GRIK2: variants seen among roughly 807,000 people sequenced by gnomAD.
The protein encoded by GRIK2 is glutamate receptor ionotropic, kainate 2.
A neutral mutation model predicts 100.3 loss-of-function variants in GRIK2; 32 were observed. That is an observed-to-expected ratio of 0.32 (90% CI 0.24 to 0.43). GRIK2 has a LOEUF of 0.43. GRIK2 is among the 20% of genes least tolerant of loss of function. The pLI, the probability that GRIK2 is intolerant of heterozygous loss-of-function variation, is 1.00. For synonymous variants in GRIK2, 417 were observed against 389.4 expected (o/e 1.07, Z -0.83); for missense variants, 843 against 1,114.9 (o/e 0.76, Z 3.47).
chr6:101,520,784 T>C (rs1318832975), intron 2 of GRIK2, among the ~76,000 whole-genome samples: 1 of 152,072 alleles, frequency 6.6e-6, no homozygotes, highest in Non-Finnish European at 1.5e-5. Context: ...TATAATACAA[T>C]GCTATGCAAT....
At chr6:101,820,159 G>A (rs1344960317) in intron 10 of GRIK2, among the ~76,000 whole-genome samples, 2 of 152,084 alleles carry the variant, frequency 1.3e-5, no homozygotes, top group Non-Finnish European at 2.9e-5. Context: ...GTATTCATCA[G>A]TAATATATGA....
rs539292631 is a variant in GRIK2, at chr6:101,445,832, C to T, written c.115+46440C>T. ...GGCACACATAGAAACTATTTTTATG[C>T]GACTTTTTACCTATGAATGAGGCCA... is the stretch of plus-strand genomic sequence containing the variant. On this transcript the variant is annotated intron_variant, in intron 2 of 16. Transcript: ENST00000369134. Among the ~76,000 whole-genome samples the T allele has an allele frequency of 2.9e-3, 434 of 152,112 alleles. 2 individuals carry two copies. Among genetic ancestry groups the T allele is most frequent in the African/African-American group, 5.1e-3 (213 of 41,538 alleles).
At chr6:101,633,766 A>G (rs1011985258) in intron 4 of GRIK2, among the ~76,000 whole-genome samples, 1 of 152,182 alleles carries the variant, frequency 6.6e-6, no homozygotes, top group Admixed American at 6.6e-5. Context: ...CACAAAGAGC[A>G]TATCATTTAG....
intron 14 of GRIK2, among the ~76,000 whole-genome samples, chr6:101,958,253 T>TTGTGTGTGTGTGTGTG (rs1554292720): frequency 0.021 from 2,960 of 139,402 alleles, 56 homozygotes; most frequent in Non-Finnish European, 0.025. Flanking sequence ...TGCTACATAT[T>TTGTGTGTGTGTGTGTG]TGTGTGTGTG....
chr6:101,707,969 TC>T (rs1773454841), intron 7 of GRIK2, among the ~76,000 whole-genome samples: 1 of 151,742 alleles, frequency 6.6e-6, no homozygotes, highest in Admixed American at 6.6e-5. Flanking sequence ...AAGTGTTACC[TC>T]TTCCCTTGTT....
chr6:101,449,737 A>C (rs375334978), intron 2 of GRIK2, among the ~76,000 whole-genome samples: 1 of 151,638 alleles, frequency 6.6e-6, no homozygotes, highest in Non-Finnish European at 1.5e-5. Flanking sequence ...AAAAATCTAT[A>C]TAGCTTGGTG....
intron 7 of GRIK2, among the ~76,000 whole-genome samples, chr6:101,785,759 C>T (rs1354376675): frequency 1.3e-5 from 2 of 152,016 alleles, no homozygotes; most frequent in Admixed American, 6.6e-5. Context: ...GTGATGCCTT[C>T]AGCTTTTTTT....
chr6:101,601,138 T>A (rs1281834458), intron 2 of GRIK2, among the ~76,000 whole-genome samples: 2 of 138,492 alleles, frequency 1.4e-5, no homozygotes, highest in East Asian at 2.0e-4. Flanking sequence ...TTTTTTTTTT[T>A]ATCATGAAGA....
intron 12 of GRIK2, among the ~76,000 whole-genome samples, chr6:101,910,381 A>G (rs980674568): frequency 2.6e-5 from 4 of 151,162 alleles, no homozygotes; most frequent in African/African-American, 4.8e-5. Context: ...ATTGTTACTA[A>G]TTTACTATTA....
intron 7 of GRIK2, among the ~76,000 whole-genome samples, chr6:101,784,382 A>G (rs529281088): frequency 8.5e-5 from 13 of 152,320 alleles, no homozygotes; most frequent in East Asian, 7.7e-4. Context: ...AGTAACTAAC[A>G]TGCTTATGAT....
intron 14 of GRIK2, among the ~76,000 whole-genome samples, chr6:102,020,568 G>A (rs1392598088): frequency 6.6e-6 from 1 of 151,772 alleles, no homozygotes; most frequent in Non-Finnish European, 1.5e-5. Flanking sequence ...AGCTATTTTG[G>A]GTCATTGGAC....
At chr6:102,054,434 T>C (rs2782892) in intron 15 of GRIK2, among the ~76,000 whole-genome samples, 44,991 of 151,856 alleles carry the variant, frequency 0.3, 6,754 homozygotes, top group East Asian at 0.35. Context: ...GATCACACTT[T>C]AGAAGCAGGC....
At chr6:101,580,125 T>C (rs1247008316) in intron 2 of GRIK2, among the ~76,000 whole-genome samples, 2 of 152,194 alleles carry the variant, frequency 1.3e-5, no homozygotes, top group African/African-American at 2.4e-5. Context: ...CACAATCTGA[T>C]GACTTCCTAA....
At chr6:101,740,241 A>G (rs954891238) in intron 7 of GRIK2, among the ~76,000 whole-genome samples, 3 of 152,240 alleles carry the variant, frequency 2.0e-5, no homozygotes, top group African/African-American at 2.4e-5. Flanking sequence ...GCACTGGCTT[A>G]TCCTTCCCAA....
chr6:101,977,298 A>C (rs1437984218), intron 14 of GRIK2, among the ~76,000 whole-genome samples: 1 of 150,652 alleles, frequency 6.6e-6, no homozygotes, highest in Non-Finnish European at 1.5e-5. Flanking sequence ...GTCTTCTGTG[A>C]ACCAGATGCC....
chr6:101,760,530 T>A (rs1189021273), intron 7 of GRIK2, among the ~76,000 whole-genome samples: 1 of 86,500 alleles, frequency 1.2e-5, no homozygotes, highest in Non-Finnish European at 2.0e-5. Flanking sequence ...TATAATTAAT[T>A]ATATTTAATT....
At chr6:101,637,038 C>T (rs147463339) in intron 4 of GRIK2, among the ~76,000 whole-genome samples, 207 of 152,204 alleles carry the variant, frequency 1.4e-3, no homozygotes, top group African/African-American at 4.8e-3. Context: ...TCTGCACTGT[C>T]ATTCTATCTG....
chr6:102,064,791 A>C (rs1352209645), intron 16 of GRIK2, among the ~76,000 whole-genome samples: 6 of 151,152 alleles, frequency 4.0e-5, no homozygotes, highest in Non-Finnish European at 8.9e-5. Flanking sequence ...TAAACCTTTA[A>C]ACAAAAAGAA....
chr6:101,921,781 A>T (rs1789537651), intron 12 of GRIK2, among the ~76,000 whole-genome samples: 1 of 152,064 alleles, frequency 6.6e-6, no homozygotes, highest in Admixed American at 6.6e-5. Context: ...ATGGTAATGA[A>T]TCAAATTGAG....
Sources: gnomAD v4.1 joint callset for allele counts (sites outside exome capture counted in the v4.1 genomes callset) on GRCh38, gnomAD v4.1.1 for gene constraint, MANE v1.5 for transcripts, NCBI Gene and HGNC (gene_info 2026-07-23, HGNC 2026-07-21) for gene names.